Variants in RYR1 observed in about 807,000 individuals in gnomAD.
RYR1 encodes central core disease of muscle.
A neutral mutation model predicts 583.5 loss-of-function variants in RYR1; 342 were observed. The ratio of observed to expected loss-of-function variants is 0.59; its 90% CI spans 0.54 to 0.64. RYR1 has a LOEUF of 0.64. RYR1 is among the 30% of genes least tolerant of loss of function. The pLI is 0.00. For synonymous variants in RYR1, 2,791 were observed against 2,822.5 expected (o/e 0.99, Z 0.35); for missense variants, 6,032 against 6,917.2 (o/e 0.87, Z 4.54).
At chr19:38,493,925 T>C (rs11881994) in intron 38 of RYR1, among the ~76,000 whole-genome samples, 2,088 of 152,278 alleles carry the variant, frequency 0.014, 45 homozygotes, top group African/African-American at 0.048. Flanking sequence ...TTGTACAGTT[T>C]ATTATTCCTA....
At chr19:38,482,058 C>G (rs1439757212) in intron 31 of RYR1, among the ~76,000 whole-genome samples, 1 of 152,112 alleles carries the variant, frequency 6.6e-6, no homozygotes, top group African/African-American at 2.4e-5. Context: ...ACTGCACTCT[C>G]TAGCCTGGAT....
rs1029641002 is a variant in RYR1, at chr19:38,490,247, C to T, written c.5986C>T (p.Arg1996Cys). 7.4e-6 allele frequency: 12 copies of T among 1,613,972 alleles called. No homozygotes were observed. The highest frequency in any genetic ancestry group is 1.7e-5 in the Admixed American group (1 of 59,980). Residue 1996 changes from arginine (R) to cysteine (C), a missense_variant, in exon 36 of 106, where the codon CGC becomes TGC. Physicochemically the swap from Arg to Cys is radical, Grantham distance 180. Coordinates refer to ENST00000359596, the MANE Select transcript of RYR1 (RefSeq NM_000540.3). ...CGCAGCAGAGACTGCAAGACGTACC[C>T]GCGAGTTCCGCTCCCCACCCCAGGA... ...MTAAETARRT[R>C]EFRSPPQEQI...
At position 38,499,067 on chromosome 19, in the gene RYR1, G is replaced by A. The variant is rs776783336; in HGVS notation, c.6892-41G>A. 5.8e-5 allele frequency: 94 copies of A among 1,609,916 alleles called. No homozygotes were observed. The highest frequency in any genetic ancestry group is 7.9e-5 in the Non-Finnish European group (93 of 1,177,470). ...GAGGGCTGAGCCCCAGGAGGAAGGT[G>A]GCATGGGTCTGGTCTCTGACTGAGC... On this transcript the variant is annotated intron_variant, in intron 42 of 105. Coordinates refer to ENST00000359596, the MANE Select transcript of RYR1 (RefSeq NM_000540.3). The surrounding 1 kb of genome is among the most constrained non-coding windows in gnomAD (Gnocchi z 7.3).
At chr19:38,566,063 G>A (rs1420380264) in intron 91 of RYR1, among the ~76,000 whole-genome samples, 2 of 150,612 alleles carry the variant, frequency 1.3e-5, no homozygotes. Context: ...GTGCAGGGCC[G>A]GACAGAGTGC....
chr19:38,502,653 C>T lies in RYR1; in HGVS notation c.7761C>T (p.Tyr2587=), dbSNP rs773325984. 7.4e-6 allele frequency: 12 copies of T among 1,612,480 alleles called. No individual in the cohort carries two copies. Among genetic ancestry groups the T allele is most frequent in the Admixed American group, 6.7e-5 (4 of 59,980 alleles). Reference sequence around the variant, plus strand: ...TGGACTCTATGCTGCATACCGTGTACCGCCTGTCTCGGGGTCGTTCGCTCA... The same window carrying T: ...TGGACTCTATGCTGCATACCGTGTATCGCCTGTCTCGGGGTCGTTCGCTCA... The part of the protein sequence containing the change: ...IMVDSMLHTV[Y]RLSRGRSLTK... Residue 2587 remains tyrosine (Y), a synonymous_variant, in exon 48 of 106, where the codon TAC becomes TAT. Coordinates refer to ENST00000359596, the MANE Select transcript of RYR1 (RefSeq NM_000540.3).
intron 1 of RYR1, among the ~76,000 whole-genome samples, chr19:38,438,349 G>A (rs1450969901): frequency 2.7e-5 from 4 of 149,592 alleles, no homozygotes; most frequent in Non-Finnish European, 4.4e-5. Flanking sequence ...TTTATTCCCT[G>A]TCTCCACCAT....
At position 38,517,610 on chromosome 19, in the gene RYR1, A is replaced by T; in HGVS notation, c.9937A>T (p.Asn3313Tyr). 6.2e-7 allele frequency: 1 copy of T among 1,614,036 alleles called. No homozygotes were observed. The highest frequency in any genetic ancestry group is 8.5e-7 in the Non-Finnish European group (1 of 1,179,964). The change falls in exon 66 of 106, where the codon AAC becomes TAC. Residue 3313 changes from asparagine (N) to tyrosine (Y), a missense_variant. Transcript: ENST00000359596. The stretch of plus-strand genomic sequence containing the variant: ...CACAGCTGTCACCTCTGACCACCTC[A>T]ACTCCCTGCTGGGGAATATCCTGAG... ...PCTAVTSDHL[N>Y]SLLGNILRII...
intron 84 of RYR1, among the ~76,000 whole-genome samples, chr19:38,540,976 A>G (rs543269008): frequency 3.3e-5 from 5 of 152,174 alleles, no homozygotes; most frequent in Non-Finnish European, 7.3e-5. Flanking sequence ...CATATATTAC[A>G]GTATAATAAA....
rs11325385 is a variant in RYR1 at position 38,583,477 on chromosome 19, CA to C, written c.14647-1451del. 0.86 allele frequency among the ~76,000 whole-genome samples: 115,991 copies of C among 135,252 alleles called. 49,616 individuals are homozygous for C. Among genetic ancestry groups the C allele is most frequent in the Non-Finnish European group, 0.88 (55,670 of 62,984 alleles). The allele number at this position is 135,252 out of a possible 152,430, so 88.7% of individuals were successfully genotyped here. A position where few individuals can be genotyped will look rare whatever the true frequency, so the allele number is the denominator to read the frequency against. Reference sequence around the variant, plus strand: ...TGGGCAACAGAGCAAGACTCTGTCTCAAAAAAAAAAAAAAACATATGTAAAG... The same window carrying C: ...TGGGCAACAGAGCAAGACTCTGTCTCAAAAAAAAAAAAAACATATGTAAAG... On this transcript the variant is annotated intron_variant, in intron 101 of 105. Coordinates refer to ENST00000359596, the MANE Select transcript of RYR1 (RefSeq NM_000540.3).
chr19:38,550,920 A>G (rs1972636183), intron 89 of RYR1, among the ~76,000 whole-genome samples: 1 of 151,006 alleles, frequency 6.6e-6, no homozygotes, highest in Non-Finnish European at 1.5e-5. Context: ...CGTATGCTTT[A>G]CCATCACTAG....
At chr19:38,492,143 C>T (rs976953167) in intron 37 of RYR1, among the ~76,000 whole-genome samples, 4 of 152,082 alleles carry the variant, frequency 2.6e-5, no homozygotes, top group African/African-American at 9.7e-5. Flanking sequence ...GGGTGGATTG[C>T]TTGAGCTCAG....
rs968834236 is a variant in RYR1, at chr19:38,527,751, G to A, written c.10791G>A (p.Gln3597=). Residue 3597 remains glutamine, a synonymous_variant, in exon 73 of 106, where the codon CAG becomes CAA. Transcript: ENST00000359596. ...CCGAGAAAATCGTGCGCAGAGTCCA[G>A]GAAGTGTCAGCCGTGCTCTACTACC... The part of the protein sequence containing the change: ...DDPEKIVRRV[Q]EVSAVLYYLD... 1 of 1,613,978 alleles carries A rather than the reference G, an allele frequency of 6.2e-7. No individual in the cohort carries two copies. The highest frequency in any genetic ancestry group is 1.3e-5 in the African/African-American group (1 of 74,906).
chr19:38,452,892 G>C lies in RYR1; in HGVS notation c.1318G>C (p.Val440Leu). The change falls in exon 13 of 106, where the codon GTT (valine) becomes CTT (leucine). Residue 440 changes from valine to leucine, a missense_variant. By Grantham distance (32) the Val-to-Leu change is conservative. This residue lies in a region of RYR1 where 2,627 missense variants were observed against 2,961.3 expected (regional missense o/e 0.89). Coordinates refer to ENST00000359596, the MANE Select transcript of RYR1 (RefSeq NM_000540.3). ...PAGTALPIEG[V>L]ILSLQDLIIY... ...TGGCACGGCGCTGCCCATCGAGGGC[G>C]TTATCCTGAGCCTGCAGGACCTCAT... 2 of 1,612,972 alleles carry C rather than the reference G, an allele frequency of 1.2e-6. No homozygotes were observed. The highest frequency in any genetic ancestry group is 1.7e-6 in the Non-Finnish European group (2 of 1,179,506).
chr19:38,457,399 C>A (rs912339291), intron 16 of RYR1, 98 bp from the exon 17 acceptor site: 2 of 1,551,788 alleles, frequency 1.3e-6, no homozygotes, highest in Non-Finnish European at 8.9e-7. Flanking sequence ...TATCCCGATG[C>A]GCTGTCCTTT....
rs150790167 is a variant in RYR1 at position 38,434,323 on chromosome 19, C to T, written c.45+449C>T. ...GGGAGCTGGAGTGAGCTGGAGGACA[C>T]AGCTGCTTCCAACTCCTAGCCCTTG... On this transcript the variant is annotated intron_variant, in intron 1 of 105. Coordinates refer to ENST00000359596, the MANE Select transcript of RYR1 (RefSeq NM_000540.3). Among the ~76,000 whole-genome samples the T allele has an allele frequency of 2.1e-3, 315 of 152,196 alleles. 2 individuals are homozygous for T. Among genetic ancestry groups the T allele is most frequent in the African/African-American group, 7.0e-3 (290 of 41,508 alleles).
chr19:38,499,543 G>T lies in RYR1; in HGVS notation c.7028-92G>T. On this transcript the variant is annotated intron_variant, in intron 43 of 105. Transcript: ENST00000359596. This position sits in a 1 kb window ranked among gnomAD's most constrained non-coding sequence, Gnocchi z 7.3. ...TGGGTCCTGGAGCTGGATGGGACCT[G>T]TGTTACCCCTGGAGGTGTTGGGTCC... The T allele has an allele frequency of 7.0e-7, 1 of 1,432,344 alleles. No individual in the cohort carries two copies. The highest frequency in any genetic ancestry group is 9.6e-7 in the Non-Finnish European group (1 of 1,043,464). 88.7% of individuals were successfully genotyped at this position (1,432,344 alleles called of 1,614,324 possible).
At chr19:38,477,623 C>A in intron 29 of RYR1, 87 bp from the exon 30 acceptor site, 1 of 1,555,324 alleles carries the variant, frequency 6.4e-7, no homozygotes, top group Non-Finnish European at 8.9e-7. Context: ...GAGGACCCAA[C>A]AGTCCAGGGA....
At position 38,512,038 on chromosome 19, in the gene RYR1, C is replaced by A; in HGVS notation, c.9173-34C>A. ...AGGCACTGTCCTCTGTCCTCTTAGC[C>A]ATGGCATCCCCCCGGCCCATCTTCC... On this transcript the variant is annotated intron_variant, in intron 61 of 105. Coordinates refer to ENST00000359596, the MANE Select transcript of RYR1 (RefSeq NM_000540.3). This position sits in a 1 kb window ranked among gnomAD's most constrained non-coding sequence, Gnocchi z 5.1. 6.2e-7 allele frequency: 1 copy of A among 1,608,656 alleles called. No homozygotes were observed. Among genetic ancestry groups the A allele is most frequent in the Non-Finnish European group, 8.5e-7 (1 of 1,177,070 alleles).
At chr19:38,562,350 A>G (rs1354569238) in intron 90 of RYR1, among the ~76,000 whole-genome samples, 8 of 151,798 alleles carry the variant, frequency 5.3e-5, no homozygotes, top group Non-Finnish European at 7.4e-5. Context: ...CAGAGCTGGC[A>G]CACCTGGCTG....
Sources: gnomAD v4.1 joint callset for allele counts (sites outside exome capture counted in the v4.1 genomes callset) on GRCh38, gnomAD v4.1.1 for gene constraint, gnomAD v4.1.1 regional missense constraint, Gnocchi (gnomAD v3.1) non-coding constraint, MANE v1.5 for transcripts, NCBI Gene and HGNC (gene_info 2026-07-23, HGNC 2026-07-21) for gene names.